EXOC4: variants seen among roughly 807,000 people sequenced by gnomAD.
The protein encoded by EXOC4 is SEC8-like 1.
Under a neutral mutation model 107.2 loss-of-function variants are expected in EXOC4, and 71 were observed. That is an observed-to-expected ratio of 0.66 (90% CI 0.55 to 0.81). EXOC4 has a LOEUF of 0.81. Among genes scored for constraint, EXOC4 ranks in the 30% least tolerant of loss-of-function variants. The probability of loss-of-function intolerance (pLI) is 0.00; values close to 1 mark genes in which losing one functional copy is unlikely to be tolerated. For missense variants in EXOC4, 1,108 were observed against 1,189.6 expected (o/e 0.93, Z 1.01); for synonymous variants, 456 against 441.2 (o/e 1.03, Z -0.42).
chr7:133,515,426 C>T (rs999933592), intron 9 of EXOC4, among the ~76,000 whole-genome samples: 1 of 151,680 alleles, frequency 6.6e-6, no homozygotes, highest in Non-Finnish European at 1.5e-5. Flanking sequence ...TATATATGTA[C>T]ACACATTTAT....
chr7:134,060,978 G>T (rs144109455), intron 17 of EXOC4, among the ~76,000 whole-genome samples: 1 of 152,264 alleles, frequency 6.6e-6, no homozygotes, highest in East Asian at 1.9e-4. Flanking sequence ...TAGTCTCTCA[G>T]TCCACTTCAG....
In EXOC4 at chr7:133,790,812, A is replaced by G. The variant is rs1011983679; in HGVS notation, c.1515-26513A>G. On this transcript the variant is annotated intron_variant, in intron 10 of 17. Transcript: ENST00000253861. ...GCTCTCTGGAACCTGCTTGTCAAAT[A>G]AACAGAGAACATTCATTCTCAGGCA... Among the ~76,000 whole-genome samples the G allele has an allele frequency of 5.3e-5, 8 of 152,352 alleles. No homozygotes were observed. In the South Asian group the frequency reaches 1.5e-3, roughly 28 times the overall value.
chr7:133,911,727 T>C (rs1461734392), intron 12 of EXOC4, among the ~76,000 whole-genome samples: 2 of 152,190 alleles, frequency 1.3e-5, no homozygotes, highest in Non-Finnish European at 2.9e-5. Context: ...ATCTCACACC[T>C]ACAGATCCAA....
intron 17 of EXOC4, among the ~76,000 whole-genome samples, chr7:134,040,872 G>C (rs1017113435): frequency 1.3e-5 from 2 of 152,188 alleles, no homozygotes; most frequent in African/African-American, 4.8e-5. Flanking sequence ...GTCAACATAT[G>C]TGGTATAGGT....
At chr7:134,024,703 A>G (rs1795099697) in intron 17 of EXOC4, among the ~76,000 whole-genome samples, 1 of 152,190 alleles carries the variant, frequency 6.6e-6, no homozygotes, top group Non-Finnish European at 1.5e-5. Flanking sequence ...CAAAAGCCCA[A>G]GCTTGCTTAC....
chr7:133,853,989 T>C (rs1798295270), intron 11 of EXOC4, among the ~76,000 whole-genome samples: 1 of 152,154 alleles, frequency 6.6e-6, no homozygotes, highest in Non-Finnish European at 1.5e-5. Flanking sequence ...AAACATTGAC[T>C]GTTTCCATTT....
At chr7:133,569,530 T>TTTTTTATTTA (rs1201452260) in intron 9 of EXOC4, among the ~76,000 whole-genome samples, 30 of 152,288 alleles carry the variant, frequency 2.0e-4, no homozygotes, top group African/African-American at 5.8e-4. Flanking sequence ...AGTGTAGATA[T>TTTTTTATTTA]GTAACTTTAT....
chr7:133,826,562 G>C (rs1797707258), intron 11 of EXOC4, among the ~76,000 whole-genome samples: 1 of 152,144 alleles, frequency 6.6e-6, no homozygotes, highest in Admixed American at 6.5e-5. Flanking sequence ...CATGGATTCA[G>C]TAGGGCTTTA....
intron 10 of EXOC4, among the ~76,000 whole-genome samples, chr7:133,674,702 C>A (rs1372574212): frequency 6.6e-6 from 1 of 152,182 alleles, no homozygotes; most frequent in African/African-American, 2.4e-5. Flanking sequence ...TACAGTTCAT[C>A]TCTTGTGAAT....
chr7:133,887,657 A>G (rs6467506), intron 11 of EXOC4, among the ~76,000 whole-genome samples: 94,565 of 152,062 alleles, frequency 0.62, 31,904 homozygotes, highest in African/African-American at 0.9. Flanking sequence ...CCCCAGAGAT[A>G]GTTATCAATA....
chr7:133,673,395 T>G (rs1049017888), intron 10 of EXOC4, among the ~76,000 whole-genome samples: 11 of 152,248 alleles, frequency 7.2e-5, no homozygotes, highest in Non-Finnish European at 1.3e-4. Context: ...CATCTTTTAA[T>G]TCTTCTGGAC....
intron 14 of EXOC4, among the ~76,000 whole-genome samples, chr7:133,940,776 TA>T (rs1800407624): frequency 1.5e-5 from 2 of 137,858 alleles, no homozygotes. Flanking sequence ...AGCTTTTTAT[TA>T]TTTTTTTTTT....
chr7:133,435,488 C>A (rs899676200), intron 7 of EXOC4, among the ~76,000 whole-genome samples: 1 of 152,138 alleles, frequency 6.6e-6, no homozygotes, highest in African/African-American at 2.4e-5. Flanking sequence ...GAATAAGCGA[C>A]CAGAAAGCAC....
chr7:133,616,635 C>T (rs1427127931), intron 9 of EXOC4, among the ~76,000 whole-genome samples: 2 of 151,950 alleles, frequency 1.3e-5, no homozygotes, highest in South Asian at 2.1e-4. Context: ...ATCTAAGATG[C>T]TTCTTAGAAA....
intron 10 of EXOC4, among the ~76,000 whole-genome samples, chr7:133,793,296 G>T (rs1796743217): frequency 6.6e-6 from 1 of 152,118 alleles, no homozygotes; most frequent in Non-Finnish European, 1.5e-5. Context: ...GATTAGGGAA[G>T]TTTGGGGGGC....
In EXOC4 at chr7:133,853,686, C is replaced by T. The variant is rs577204760; in HGVS notation, c.1734+36142C>T. Among the ~76,000 whole-genome samples the T allele has an allele frequency of 1.4e-4, 21 of 152,200 alleles. No homozygotes were observed. The East Asian group carries it at 3.9e-3, about 28-fold the overall frequency. ...TTCCCAACCATTGCCAGTGGGGAGA[C>T]GTCCTGCTTCAGTGTGATACAGTTA... On this transcript the variant is annotated intron_variant, in intron 11 of 17. Transcript: ENST00000253861.
intron 7 of EXOC4, among the ~76,000 whole-genome samples, chr7:133,441,004 G>A (rs1398093124): frequency 8.7e-6 from 1 of 114,498 alleles, no homozygotes. Context: ...TCTTGGATGT[G>A]GATCAGGACC....
chr7:133,327,337 C>G (rs905233013), intron 5 of EXOC4, among the ~76,000 whole-genome samples: 1 of 152,108 alleles, frequency 6.6e-6, no homozygotes, highest in Non-Finnish European at 1.5e-5. Context: ...TGTTCTTGTT[C>G]GGCTATCTTG....
At chr7:133,993,765 T>C (rs1216125116) in intron 14 of EXOC4, among the ~76,000 whole-genome samples, 1 of 152,262 alleles carries the variant, frequency 6.6e-6, no homozygotes, top group East Asian at 1.9e-4. Flanking sequence ...TTCAGATACC[T>C]CAATCAAATC....
Sources: allele counts gnomAD v4.1 joint callset (sites outside exome capture counted in the v4.1 genomes callset), GRCh38; gene constraint gnomAD v4.1.1; transcripts MANE v1.5; gene names NCBI Gene and HGNC (gene_info 2026-07-23, HGNC 2026-07-21).